The following KCTD8 variants were observed in gnomAD, a reference collection of about 807,000 sequenced individuals.
The protein encoded by KCTD8 is BTB/POZ domain-containing protein KCTD8.
KCTD8 carries 27 observed loss-of-function variants against 31.5 expected under a neutral mutation model. That is an observed-to-expected ratio of 0.86 (90% CI 0.63 to 1.18). KCTD8 has a LOEUF of 1.18. KCTD8 is among the 50% of genes most tolerant of loss of function. KCTD8 has a pLI of 0.00. For synonymous variants in KCTD8, 290 were observed against 280.0 expected, an observed-to-expected ratio of 1.04 and a Z score of -0.36; for missense variants, 658 against 647.7, an observed-to-expected ratio of 1.02 and a Z score of -0.17.
chr4:44,183,746 C>T (rs773141802), intron 1 of KCTD8, among the ~76,000 whole-genome samples: 4 of 151,280 alleles, frequency 2.6e-5, no homozygotes, highest in Non-Finnish European at 5.9e-5. Flanking sequence ...CACAGCTGCA[C>T]ATTTGAAAAA....
At chr4:44,319,914 G>T (rs997517878) in intron 1 of KCTD8, among the ~76,000 whole-genome samples, 3 of 152,042 alleles carry the variant, frequency 2.0e-5, no homozygotes, top group African/African-American at 4.8e-5. Context: ...GCTCATTCCT[G>T]TAATCCCAGC....
At chr4:44,185,570 C>T (rs1034114961) in intron 1 of KCTD8, among the ~76,000 whole-genome samples, 1 of 152,166 alleles carries the variant, frequency 6.6e-6, no homozygotes, top group Non-Finnish European at 1.5e-5. Flanking sequence ...CATTTGGTGA[C>T]TCCAATATAC....
At chr4:44,206,561 C>A (rs528557178) in intron 1 of KCTD8, among the ~76,000 whole-genome samples, 1 of 152,262 alleles carries the variant, frequency 6.6e-6, no homozygotes, top group Admixed American at 6.5e-5. Flanking sequence ...CCAAGGGCTG[C>A]GTAAAGTGGT....
chr4:44,400,227 C>G (rs943308360), intron 1 of KCTD8, among the ~76,000 whole-genome samples: 2 of 152,062 alleles, frequency 1.3e-5, no homozygotes, highest in African/African-American at 2.4e-5. Context: ...GCTTGTATTG[C>G]CTACCCAACA....
rs531947970 is a variant in KCTD8, at chr4:44,319,792, A to G, written c.961+127771T>C. ...GTAAAGAAACTGGAAGTTGCAAATT[A>G]TAGGTGTTTTTCCAGAAAGCCTTAT... On this transcript the variant is annotated intron_variant, in intron 1 of 1. Transcript: ENST00000360029. Among the ~76,000 whole-genome samples the G allele has an allele frequency of 5.3e-5, 8 of 152,306 alleles. No individual in the cohort carries two copies. The South Asian group carries it at 1.4e-3, about 28-fold the overall frequency.
chr4:44,197,411 G>A (rs1319090750), intron 1 of KCTD8, among the ~76,000 whole-genome samples: 10 of 152,140 alleles, frequency 6.6e-5, no homozygotes, highest in Non-Finnish European at 1.3e-4. Flanking sequence ...CAAGGCCCAG[G>A]AGCAGATCTG....
rs537290754 is a variant in KCTD8 at position 44,177,314 on chromosome 4, T to C, written c.962-2064A>G. On this transcript the variant is annotated intron_variant, in intron 1 of 1. Coordinates refer to ENST00000360029, the MANE Select transcript of KCTD8 (RefSeq NM_198353.3). ...CCCCAGGAATGTGATGATCTGGTTATATCCCTGGACCTAGAGGCACAGCCC... is the reference window on the plus strand; with the variant it reads ...CCCCAGGAATGTGATGATCTGGTTACATCCCTGGACCTAGAGGCACAGCCC... Among the ~76,000 whole-genome samples the C allele has an allele frequency of 4.6e-5, 7 of 152,226 alleles. No homozygotes were observed. The East Asian group carries it at 1.2e-3, about 25-fold the overall frequency.
At chr4:44,420,977 TA>T (rs915513244) in intron 1 of KCTD8, among the ~76,000 whole-genome samples, 29 of 146,900 alleles carry the variant, frequency 2.0e-4, no homozygotes, top group Middle Eastern at 3.5e-3. Context: ...GAAGAGAGAT[TA>T]AAAAAAAAAG....
At chr4:44,329,047 T>C (rs1718525144) in intron 1 of KCTD8, among the ~76,000 whole-genome samples, 1 of 151,916 alleles carries the variant, frequency 6.6e-6, no homozygotes, top group Admixed American at 6.6e-5. Context: ...GGGATCATGG[T>C]TAGGCACCAT....
chr4:44,310,976 C>T (rs1717933932), intron 1 of KCTD8, among the ~76,000 whole-genome samples: 1 of 151,814 alleles, frequency 6.6e-6, no homozygotes, highest in Non-Finnish European at 1.5e-5. Context: ...TTGTTCCATG[C>T]TTCTGCAACC....
intron 1 of KCTD8, among the ~76,000 whole-genome samples, chr4:44,437,349 G>C (rs1721685195): frequency 1.3e-5 from 2 of 152,108 alleles, no homozygotes; most frequent in African/African-American, 4.8e-5. Context: ...CATCGTCCCA[G>C]TCATGAAAGG....
intron 1 of KCTD8, among the ~76,000 whole-genome samples, chr4:44,352,573 T>C (rs193245767): frequency 9.0e-4 from 130 of 144,314 alleles, no homozygotes; most frequent in Non-Finnish European, 1.5e-3. Flanking sequence ...AATTATTATT[T>C]CTATTAAAAA....
At chr4:44,293,719 C>CTTT in intron 1 of KCTD8, 1 of 431,072 alleles carries the variant, frequency 2.3e-6, no homozygotes, top group South Asian at 1.7e-5. Flanking sequence ...ACCTTGTAAA[C>CTTT]ACTGGCCAAA....
intron 1 of KCTD8, among the ~76,000 whole-genome samples, chr4:44,277,976 C>T (rs572493756): frequency 2.0e-5 from 3 of 151,926 alleles, no homozygotes; most frequent in Non-Finnish European, 4.4e-5. Context: ...AAGGATTGTA[C>T]TAAATTTTCT....
At chr4:44,189,298 T>C (rs1262950160) in intron 1 of KCTD8, among the ~76,000 whole-genome samples, 1 of 152,190 alleles carries the variant, frequency 6.6e-6, no homozygotes, top group Non-Finnish European at 1.5e-5. Context: ...TAAATCTATT[T>C]CTACCTTCTG....
chr4:44,267,400 T>C (rs1716414166), intron 1 of KCTD8, among the ~76,000 whole-genome samples: 1 of 152,164 alleles, frequency 6.6e-6, no homozygotes. Context: ...AGGCAGTGTG[T>C]AGAGGGAAAT....
chr4:44,444,836 T>C (rs60427753), intron 1 of KCTD8, among the ~76,000 whole-genome samples: 1,796 of 152,198 alleles, frequency 0.012, 28 homozygotes, highest in African/African-American at 0.041. Context: ...GTGTGTAAAC[T>C]ACAACAGTTT....
intron 1 of KCTD8, among the ~76,000 whole-genome samples, chr4:44,398,634 G>C (rs74655542): frequency 6.6e-6 from 1 of 152,102 alleles, no homozygotes; most frequent in African/African-American, 2.4e-5. Flanking sequence ...TTAAAGATCC[G>C]GAACGAACTC....
intron 1 of KCTD8, among the ~76,000 whole-genome samples, chr4:44,201,876 A>G (rs2109339528): frequency 6.6e-6 from 1 of 152,182 alleles, no homozygotes; most frequent in East Asian, 1.9e-4. Context: ...AGGATAAAAT[A>G]CTCACAAACT....
Sources: gnomAD v4.1 joint callset for allele counts (sites outside exome capture counted in the v4.1 genomes callset) on GRCh38, gnomAD v4.1.1 for gene constraint, MANE v1.5 for transcripts, NCBI Gene and HGNC (gene_info 2026-07-23, HGNC 2026-07-21) for gene names.